Variants in CFAP221 observed in about 807,000 individuals in gnomAD.
The protein encoded by CFAP221 is cilia- and flagella-associated protein 221.
In CFAP221, 97 loss-of-function variants were observed where a neutral mutation model predicts 113.1. The observed-to-expected ratio is 0.86, with a 90% CI of 0.73 to 1.02. The LOEUF is 1.02. CFAP221 is among the 50% of genes least tolerant of loss of function. CFAP221 has a pLI of 0.00. For synonymous variants in CFAP221, 331 were observed against 354.4 expected (o/e 0.93, Z 0.74); for missense variants, 1,025 against 1,013.4 (o/e 1.01, Z -0.16).
intron 6 of CFAP221, 33 bp downstream of exon 6, chr2:119,562,147 G>A: frequency 7.1e-7 from 1 of 1,410,662 alleles, no homozygotes; most frequent in South Asian, 1.3e-5. Context: ...AAATGTATAG[G>A]ATGTGAAAAA....
chr2:119,586,878 C>T (rs1316495824), intron 6 of CFAP221: 1 of 372,412 alleles, frequency 2.7e-6, no homozygotes, highest in African/African-American at 2.1e-5. Context: ...GAACACTTAC[C>T]CTCTCTTGTG....
intron 8 of CFAP221, chr2:119,601,637 T>C: frequency 5.8e-6 from 2 of 342,956 alleles, no homozygotes; most frequent in Non-Finnish European, 1.0e-5. Context: ...TGATCACTAC[T>C]GGTGCACTGT....
At chr2:119,601,508 A>G (rs1352727809) in intron 8 of CFAP221, 131 bp downstream of exon 8, 84 of 833,320 alleles carry the variant, frequency 1.0e-4, no homozygotes, top group Non-Finnish European at 5.3e-6. Flanking sequence ...GAGCCAACAT[A>G]AGATATACTG....
intron 6 of CFAP221, 81 bp downstream of exon 6, chr2:119,562,195 T>C: frequency 1.1e-6 from 1 of 925,906 alleles, no homozygotes. Context: ...ACTTTTGTTT[T>C]TCCTAATGGA....
chr2:119,612,742 A>G (rs749398231), intron 13 of CFAP221, among the ~76,000 whole-genome samples: 19 of 152,208 alleles, frequency 1.2e-4, no homozygotes, highest in Non-Finnish European at 2.1e-4. Flanking sequence ...TTGGGTGGGA[A>G]CACAGCCAAA....
At chr2:119,639,081 TG>T in intron 20 of CFAP221, among the ~76,000 whole-genome samples, 1 of 147,340 alleles carries the variant, frequency 6.8e-6, no homozygotes, top group Non-Finnish European at 1.5e-5. Context: ...CCCGGGGGGG[TG>T]GGGGGGCGGG....
In CFAP221 at chr2:119,562,019, T is replaced by C. The variant is rs1681277440; in HGVS notation, c.432T>C (p.Asp144=). 1 of 1,532,748 alleles carries C rather than the reference T, an allele frequency of 6.5e-7. No homozygotes were observed. The highest frequency in any genetic ancestry group is 8.7e-7 in the Non-Finnish European group (1 of 1,145,144). The allele number at this position is 1,532,748 out of a possible 1,614,324, so 94.9% of individuals were successfully genotyped here. The change falls in exon 6 of 24, where the codon GAT becomes GAC. Residue 144 remains aspartate, a synonymous_variant. Coordinates refer to ENST00000413369, the MANE Select transcript of CFAP221 (RefSeq NM_001271049.2). ...YDCIRVHCKG[D]DTLLVPIHAY... ...CTTTTTCTGGTTAATTTTAGGGAGA[T>C]GACACTTTGCTTGTTCCTATTCATG...
chr2:119,577,137 T>C (rs899013603), intron 6 of CFAP221, among the ~76,000 whole-genome samples: 23 of 152,214 alleles, frequency 1.5e-4, no homozygotes, highest in African/African-American at 5.5e-4. Flanking sequence ...GGGGCCAGCA[T>C]GGCTGAGCTC....
At chr2:119,573,055 C>T (rs1682179004) in intron 6 of CFAP221, 1 of 154,726 alleles carries the variant, frequency 6.5e-6, no homozygotes, top group African/African-American at 2.4e-5. Flanking sequence ...ACCAAATTCT[C>T]CTACTGCCCC....
intron 8 of CFAP221, chr2:119,602,509 C>T: frequency 1.8e-6 from 1 of 555,188 alleles, no homozygotes; most frequent in Non-Finnish European, 2.3e-6. Flanking sequence ...CACATATTCA[C>T]ATCATTAAGC....
chr2:119,648,390 C>T lies in CFAP221; in HGVS notation c.2318+1340C>T, dbSNP rs147100281. 4 of 236,610 alleles carry T rather than the reference C, an allele frequency of 1.7e-5. No individual in the cohort carries two copies. The East Asian group carries it at 5.8e-4, about 34-fold the overall frequency. 14.7% of individuals were successfully genotyped at this position (236,610 alleles called of 1,614,324 possible). A position where few individuals can be genotyped will look rare whatever the true frequency, so the allele number is the denominator to read the frequency against. ...ATGTCTCAAGTGTAGAAAATGAATACATATTTCTGATATTTTTAAATTTTG... is the reference window on the plus strand; with the variant it reads ...ATGTCTCAAGTGTAGAAAATGAATATATATTTCTGATATTTTTAAATTTTG... On this transcript the variant is annotated intron_variant, in intron 22 of 23. Transcript: ENST00000413369.
chr2:119,638,552 C>T (rs903743525), intron 20 of CFAP221, 135 bp downstream of exon 20: 15 of 1,143,990 alleles, frequency 1.3e-5, no homozygotes, highest in Non-Finnish European at 1.8e-5. Flanking sequence ...GTAACACCGC[C>T]CCTCATACCG....
intron 16 of CFAP221, among the ~76,000 whole-genome samples, chr2:119,629,663 A>G (rs1686627440): frequency 6.6e-6 from 1 of 152,178 alleles, no homozygotes; most frequent in Admixed American, 6.5e-5. Context: ...CAACCACAGA[A>G]AATAAGAGAC....
chr2:119,560,860 G>C (rs151010575), intron 5 of CFAP221, among the ~76,000 whole-genome samples: 1 of 151,942 alleles, frequency 6.6e-6, no homozygotes, highest in Non-Finnish European at 1.5e-5. Flanking sequence ...GACTCACTTC[G>C]TCATATTAGA....
At chr2:119,570,101 C>G (rs1371124924) in intron 6 of CFAP221, among the ~76,000 whole-genome samples, 1 of 152,196 alleles carries the variant, frequency 6.6e-6, no homozygotes, top group Non-Finnish European at 1.5e-5. Context: ...CTGCTGTAAG[C>G]AGACTTTTAT....
At chr2:119,561,639 C>G (rs1255319619) in intron 5 of CFAP221, among the ~76,000 whole-genome samples, 2 of 152,174 alleles carry the variant, frequency 1.3e-5, no homozygotes, top group South Asian at 4.1e-4. Flanking sequence ...ACATTGTTTT[C>G]TATTCTGTGC....
chr2:119,641,546 G>C (rs928459381), intron 21 of CFAP221, among the ~76,000 whole-genome samples: 2 of 152,178 alleles, frequency 1.3e-5, no homozygotes, highest in Non-Finnish European at 2.9e-5. Flanking sequence ...GGCGAGCTAC[G>C]TACTAATGAA....
At chr2:119,557,758 TG>T (rs547619992) in intron 3 of CFAP221, among the ~76,000 whole-genome samples, 300 of 152,212 alleles carry the variant, frequency 2.0e-3, no homozygotes, top group Non-Finnish European at 3.2e-3. Context: ...CCCAGCACTT[TG>T]GGAGTCCGAG....
At chr2:119,628,046 G>A (rs1013869249) in intron 16 of CFAP221, among the ~76,000 whole-genome samples, 1 of 152,110 alleles carries the variant, frequency 6.6e-6, no homozygotes, top group Admixed American at 6.5e-5. Flanking sequence ...ACTGACCCCC[G>A]CCCAACTGCC....
Sources: allele counts gnomAD v4.1 joint callset (sites outside exome capture counted in the v4.1 genomes callset), GRCh38; gene constraint gnomAD v4.1.1; transcripts MANE v1.5; gene names NCBI Gene and HGNC (gene_info 2026-07-23, HGNC 2026-07-21).